Variants in HELQ observed in about 807,000 individuals in gnomAD.
HELQ encodes helicase, POLQ like.
Under a neutral mutation model 111.6 loss-of-function variants are expected in HELQ, and 77 were observed. The observed-to-expected ratio is 0.69, with a 90% confidence interval of 0.57 to 0.83. The LOEUF (loss-of-function observed/expected upper bound fraction) is 0.83. Ranked by LOEUF, HELQ falls within the 40% of genes least tolerant of loss-of-function variation. The pLI is 0.00. For missense variants in HELQ, 1,200 were observed against 1,288.5 expected, an observed-to-expected ratio of 0.93 and a Z score of 1.05; for synonymous variants, 438 against 454.7, an observed-to-expected ratio of 0.96 and a Z score of 0.47.
At chr4:83,420,590 G>T (rs1739626275) in intron 15 of HELQ, among the ~76,000 whole-genome samples, 1 of 152,122 alleles carries the variant, frequency 6.6e-6, no homozygotes, top group South Asian at 2.1e-4. Flanking sequence ...TTCGAGATCA[G>T]CCTGGCCAAT....
At chr4:83,430,973 T>C (rs1323365179) in intron 11 of HELQ, among the ~76,000 whole-genome samples, 1 of 152,130 alleles carries the variant, frequency 6.6e-6, no homozygotes, top group Non-Finnish European at 1.5e-5. Context: ...GTTTTTGACA[T>C]AGTAATTGAA....
chr4:83,429,313 A>AT (rs953823870), intron 12 of HELQ, among the ~76,000 whole-genome samples: 1 of 151,602 alleles, frequency 6.6e-6, no homozygotes. Context: ...TGCCTGGCTA[A>AT]TTTTTTTTGT....
chr4:83,443,508 G>C lies in HELQ; in HGVS notation c.1563+9C>G. 7.6e-7 allele frequency: 1 copy of C among 1,307,372 alleles called. No homozygotes were observed. The highest frequency in any genetic ancestry group is 1.3e-5 in the South Asian group (1 of 79,738). 81.0% of individuals were successfully genotyped at this position (1,307,372 alleles called of 1,614,324 possible). Reference sequence around the variant, plus strand: ...ACAAATCAATACAGTGCAAACCTTAGGTACATACTGGTCTAAATTGACTGG... The same window carrying C: ...ACAAATCAATACAGTGCAAACCTTACGTACATACTGGTCTAAATTGACTGG... On this transcript the variant is annotated intron_variant, in intron 6 of 17. Transcript: ENST00000295488.
rs1049433917 is a variant in HELQ at position 83,453,863 on chromosome 4, T to C, written c.380A>G (p.Glu127Gly). 5 of 1,613,998 alleles carry C rather than the reference T, an allele frequency of 3.1e-6. No individual in the cohort carries two copies. Among genetic ancestry groups the C allele is most frequent in the African/African-American group, 1.3e-5 (1 of 74,918 alleles). Residue 127 changes from glutamate to glycine, a missense_variant, in exon 2 of 18, where the codon GAA becomes GGA. Physicochemically the swap from Glu to Gly is moderately conservative, Grantham distance 98. This residue lies in a region of HELQ where 610 missense variants were observed against 607.1 expected (regional missense o/e 1.00). Coordinates refer to ENST00000295488, the MANE Select transcript of HELQ (RefSeq NM_133636.5). ...TTCAGGGAGTTGCATATATTTTTGT[T>C]CCAGGTCGTCAACTTGAGCTATAAA... is the stretch of plus-strand genomic sequence containing the variant. ...NSFIAQVDDLEQKYMQLPEHK... is the reference protein window; with the variant it reads ...NSFIAQVDDLGQKYMQLPEHK...
At chr4:83,435,955 A>G (rs188936276) in intron 9 of HELQ, among the ~76,000 whole-genome samples, 72 of 135,750 alleles carry the variant, frequency 5.3e-4, no homozygotes, top group Non-Finnish European at 8.4e-4. Context: ...AAAAGAATGG[A>G]AAAAGGTACA....
intron 13 of HELQ, among the ~76,000 whole-genome samples, chr4:83,426,409 A>G (rs1719851143): frequency 6.6e-6 from 1 of 152,034 alleles, no homozygotes; most frequent in African/African-American, 2.4e-5. Flanking sequence ...CTTAAAAAAA[A>G]CTTACTTCCT....
intron 3 of HELQ, among the ~76,000 whole-genome samples, chr4:83,447,859 C>CA (rs112143320): frequency 0.073 from 5,587 of 76,286 alleles, 420 homozygotes; most frequent in African/African-American, 0.21. Context: ...AAGACTGTCT[C>CA]AAAAAAAAAA....
At chr4:83,425,697 G>C (rs559043754) in intron 14 of HELQ, among the ~76,000 whole-genome samples, 1 of 152,204 alleles carries the variant, frequency 6.6e-6, no homozygotes, top group South Asian at 2.1e-4. Flanking sequence ...TCTAGAAAAT[G>C]TATTTCCTCG....
chr4:83,410,443 ATGTT>A (rs956468549), intron 17 of HELQ, among the ~76,000 whole-genome samples: 15 of 152,302 alleles, frequency 9.8e-5, no homozygotes, highest in African/African-American at 3.6e-4. Context: ...TAAATACTGA[ATGTT>A]TGTTTTTTTT....
In HELQ at chr4:83,426,010, C is replaced by G; in HGVS notation, c.2759G>C (p.Gly920Ala). 1 of 1,596,438 alleles carries G rather than the reference C, an allele frequency of 6.3e-7. No homozygotes were observed. The highest frequency in any genetic ancestry group is 8.6e-7 in the Non-Finnish European group (1 of 1,164,784). ...SESFIGKKAS[G>A]QAIGKKVDKN... ...ATGTGGTACCTTTCCGATGGCTTGG[C>G]CTGATGCTTTCTTCCCAATAAAGCT... The change falls in exon 14 of 18, where the codon GGC becomes GCC. Residue 920 changes from glycine (G) to alanine (A), a missense_variant. Around this residue, in one of 3 missense-constraint regions of HELQ, gnomAD observed 585 missense variants for 665.3 expected, o/e 0.88. Coordinates refer to ENST00000295488, the MANE Select transcript of HELQ (RefSeq NM_133636.5).
intron 9 of HELQ, 119 bp downstream of exon 9, chr4:83,436,739 T>C (rs1720480001): frequency 2.9e-6 from 3 of 1,036,558 alleles, no homozygotes; most frequent in African/African-American, 3.2e-5. Context: ...ACTCAGCATA[T>C]GCTAAAAGAA....
intron 14 of HELQ, among the ~76,000 whole-genome samples, chr4:83,422,998 C>T (rs1439772856): frequency 2.0e-5 from 3 of 152,226 alleles, no homozygotes; most frequent in Admixed American, 1.3e-4. Flanking sequence ...TTGATGATTT[C>T]GATTCTGTAT....
At chr4:83,433,579 T>C (rs1361704055) in intron 9 of HELQ, among the ~76,000 whole-genome samples, 2 of 144,510 alleles carry the variant, frequency 1.4e-5, no homozygotes, top group African/African-American at 5.2e-5. Flanking sequence ...GGCAGGAGAC[T>C]GGTGTGAACC....
In HELQ at chr4:83,455,750, C is replaced by T; in HGVS notation, c.-57G>A. The T allele has an allele frequency of 6.6e-7, 1 of 1,519,426 alleles. No individual in the cohort carries two copies. Among genetic ancestry groups the T allele is most frequent in the Non-Finnish European group, 8.9e-7 (1 of 1,119,584 alleles). 94.1% of individuals were successfully genotyped at this position (1,519,426 alleles called of 1,614,324 possible). On this transcript the variant is annotated 5_prime_UTR_variant, in exon 1 of 18. The change abolishes an upstream ATG in the 5' untranslated region. Transcript: ENST00000295488. ...TTCTCAGTGACCCAGACGCTAAGCCCATATGGAAGGGAGAGTGGGACGCCG... is the reference window on the plus strand; with the variant it reads ...TTCTCAGTGACCCAGACGCTAAGCCTATATGGAAGGGAGAGTGGGACGCCG...
intron 17 of HELQ, among the ~76,000 whole-genome samples, chr4:83,416,027 A>G (rs1052343930): frequency 6.8e-6 from 1 of 147,992 alleles, no homozygotes; most frequent in East Asian, 2.0e-4. Flanking sequence ...GCTCACTGCC[A>G]TCTCCGTCTC....
At chr4:83,416,692 G>A (rs763055582) in intron 17 of HELQ, 39 bp downstream of exon 17, 17 of 1,599,544 alleles carry the variant, frequency 1.1e-5, no homozygotes, top group South Asian at 2.2e-5. Context: ...ATAACACTAC[G>A]CAAGATTATT....
chr4:83,446,871 T>A lies in HELQ; in HGVS notation c.1356A>T (p.Gly452=). 6.2e-7 allele frequency: 1 copy of A among 1,613,742 alleles called. No individual in the cohort carries two copies. Among genetic ancestry groups the A allele is most frequent in the Non-Finnish European group, 8.5e-7 (1 of 1,179,652 alleles). Residue 452 remains glycine, a synonymous_variant, in exon 4 of 18, where the codon GGA becomes GGT. Transcript: ENST00000295488. ...CAACCAGACCCAGACTGTCAATTCT[T>A]CCAGTTTCAATCAAGGAGTTCACCA... The part of the protein sequence containing the change: ...HSLVNSLIET[G]RIDSLGLVVV...
At chr4:83,410,866 C>T (rs1455396899) in intron 17 of HELQ, among the ~76,000 whole-genome samples, 1 of 151,828 alleles carries the variant, frequency 6.6e-6, no homozygotes, top group East Asian at 1.9e-4. Context: ...GAAAGCCAAG[C>T]TAGGATAGGC....
Position 83,431,719 on chromosome 4 carries a change from A to T in HELQ, c.2240T>A (p.Val747Asp). ...TTGGATTCCCTTGGTGAATTCCTGA[A>T]CAAGATGGCTGTAACAGTTTTCCAA... ...KPLENCYSHL[V>D]QEFTKGIQTL... Residue 747 changes from valine (V) to aspartate (D), a missense_variant, in exon 11 of 18, where the codon GTT becomes GAT. Around this residue, in one of 3 missense-constraint regions of HELQ, gnomAD observed 585 missense variants for 665.3 expected, o/e 0.88. Coordinates refer to ENST00000295488, the MANE Select transcript of HELQ (RefSeq NM_133636.5). The T allele has an allele frequency of 6.4e-7, 1 of 1,556,470 alleles. No homozygotes were observed. The highest frequency in any genetic ancestry group is 8.7e-7 in the Non-Finnish European group (1 of 1,150,084).
Sources: gnomAD v4.1 joint callset for allele counts (sites outside exome capture counted in the v4.1 genomes callset) on GRCh38, gnomAD v4.1.1 for gene constraint, gnomAD v4.1.1 regional missense constraint, MANE v1.5 for transcripts, NCBI Gene and HGNC (gene_info 2026-07-23, HGNC 2026-07-21) for gene names.